CENPN: variants seen among roughly 807,000 people sequenced by gnomAD.
CENPN encodes interphase centromere complex protein 32.
Under a neutral mutation model 48.6 loss-of-function variants are expected in CENPN, and 36 were observed. The observed-to-expected ratio is 0.74, with a 90% confidence interval of 0.57 to 0.98. The LOEUF is 0.98. CENPN is among the 50% of genes least tolerant of loss of function. The probability of loss-of-function intolerance (pLI) is 0.00; values close to 1 mark genes in which losing one functional copy is unlikely to be tolerated. For synonymous variants in CENPN, 166 were observed against 135.2 expected (o/e 1.23, Z -1.58); for missense variants, 439 against 399.2 (o/e 1.10, Z -0.85).
At chr16:81,009,922 C>T (rs571907685) in intron 1 of CENPN, among the ~76,000 whole-genome samples, 4 of 152,286 alleles carry the variant, frequency 2.6e-5, no homozygotes, top group Admixed American at 2.0e-4. Context: ...TTGCAGACCA[C>T]GCGCGGTGGC....
chr16:81,032,648 A>G (rs767520756), downstream of CENPN: 76 of 1,613,794 alleles, frequency 4.7e-5, no homozygotes, highest in Non-Finnish European at 6.4e-5. Context: ...AGCAGCTGGC[A>G]GAAGGACTTG....
chr16:81,017,411 T>C (rs769549703), intron 4 of CENPN, 26 bp downstream of exon 4: 4 of 1,483,448 alleles, frequency 2.7e-6, no homozygotes, highest in Non-Finnish European at 3.8e-6. Flanking sequence ...TACAATTGAA[T>C]ATTTGATAGT....
intron 3 of CENPN, among the ~76,000 whole-genome samples, chr16:81,015,826 T>C (rs564694790): frequency 6.6e-6 from 1 of 152,102 alleles, no homozygotes; most frequent in South Asian, 2.1e-4. Context: ...GCCACTATGG[T>C]GAAACCCCAT....
intron 3 of CENPN, among the ~76,000 whole-genome samples, chr16:81,015,229 C>G (rs757626185): frequency 1.3e-5 from 2 of 152,114 alleles, no homozygotes; most frequent in African/African-American, 4.8e-5. Context: ...TGTACTTTTT[C>G]AAGATGTCTG....
intron 7 of CENPN, chr16:81,024,269 C>G (rs1027590145): frequency 4.6e-5 from 7 of 151,804 alleles, no homozygotes; most frequent in East Asian, 1.9e-4. Context: ...GGCATTCTTA[C>G]GAAAATCCAC....
chr16:81,014,237 T>A, intron 3 of CENPN, 56 bp downstream of exon 3: 2 of 1,497,232 alleles, frequency 1.3e-6, no homozygotes, highest in Non-Finnish European at 1.9e-6. Flanking sequence ...AGAGGCAATT[T>A]TGTTTCTTTC....
At position 81,014,182 on chromosome 16, in the gene CENPN, G is replaced by GT. The variant is rs1390765550; in HGVS notation, c.217+2dup. 6.2e-7 allele frequency: 1 copy of GT among 1,611,758 alleles called. No homozygotes were observed. The highest frequency in any genetic ancestry group is 1.3e-5 in the African/African-American group (1 of 74,890). On this transcript the variant is annotated splice_donor_variant, in intron 3 of 10. Coordinates refer to ENST00000305850, the MANE Select transcript of CENPN (RefSeq NM_001100624.3). LOFTEE classifies it high-confidence loss of function. ...GATGCTGCCCTGTTAGACATCATTT[G>GT]TAAGTGTCAGTGATTTGTATTTATA...
At chr16:81,026,052 G>GATAT (rs71376379) in intron 8 of CENPN, among the ~76,000 whole-genome samples, 5 of 132,840 alleles carry the variant, frequency 3.8e-5, no homozygotes, top group Non-Finnish European at 6.3e-5. Flanking sequence ...GTGCCATGGA[G>GATAT]ATATATATAT....
intron 8 of CENPN, among the ~76,000 whole-genome samples, chr16:81,026,111 A>ATG (rs1464714741): frequency 4.9e-5 from 7 of 142,362 alleles, no homozygotes; most frequent in Admixed American, 3.7e-4. Context: ...GTGTGTATAT[A>ATG]TATATGTATA....
intron 7 of CENPN, 187 bp downstream of exon 7, chr16:81,022,885 A>C (rs927283810): frequency 1.2e-6 from 2 of 1,608,076 alleles, no homozygotes; most frequent in African/African-American, 2.7e-5. Context: ...TCTTTTTATA[A>C]TTGTATTGTG....
intron 1 of CENPN, 125 bp from the exon 2 acceptor site, chr16:81,011,805 C>A: frequency 1.3e-6 from 1 of 748,190 alleles, no homozygotes; most frequent in Non-Finnish European, 2.1e-6. Context: ...GAGTTCAAGA[C>A]CAACGTGGGC....
intron 1 of CENPN, among the ~76,000 whole-genome samples, chr16:81,008,087 A>C (rs746906250): frequency 4.1e-4 from 62 of 152,244 alleles, no homozygotes; most frequent in Non-Finnish European, 7.6e-4. Flanking sequence ...ACCCTGGGCG[A>C]CAAAGCGAGA....
chr16:81,032,789 C>T (rs1970826013), downstream of CENPN: 3 of 1,328,270 alleles, frequency 2.3e-6, no homozygotes, highest in East Asian at 2.4e-5. Context: ...ATGCAGGCCT[C>T]CTTGTTAAAA....
rs962011622 is a variant in CENPN at position 81,021,016 on chromosome 16, C to T, written c.531+740C>T. Among the ~76,000 whole-genome samples the T allele has an allele frequency of 4.6e-5, 7 of 151,480 alleles. No individual in the cohort carries two copies. The East Asian group carries it at 5.8e-4, about 13-fold the overall frequency. On this transcript the variant is annotated intron_variant, in intron 6 of 10. Coordinates refer to ENST00000305850, the MANE Select transcript of CENPN (RefSeq NM_001100624.3). The stretch of plus-strand genomic sequence containing the variant: ...CTGAGGCAGGAGAATTGCTTGAACC[C>T]GGGAGGCAGAGGTTGCAGTGAGCCC...
intron 6 of CENPN, among the ~76,000 whole-genome samples, chr16:81,021,793 C>T (rs980697026): frequency 6.6e-6 from 1 of 151,326 alleles, no homozygotes; most frequent in Non-Finnish European, 1.5e-5. Context: ...CTCACTCTGT[C>T]ACCCAGGGTG....
chr16:81,025,257 C>A (rs1970411409), intron 8 of CENPN, among the ~76,000 whole-genome samples: 1 of 152,150 alleles, frequency 6.6e-6, no homozygotes, highest in Non-Finnish European at 1.5e-5. Context: ...ACTTCTAGAA[C>A]AATGAGAATC....
At chr16:81,018,510 AC>A (rs1466379466) in intron 5 of CENPN, among the ~76,000 whole-genome samples, 2 of 152,120 alleles carry the variant, frequency 1.3e-5, no homozygotes, top group African/African-American at 4.8e-5. Flanking sequence ...ATGATTTTTT[AC>A]ATTAAATAGC....
chr16:81,018,940 CAG>C (rs1970049862), intron 5 of CENPN, among the ~76,000 whole-genome samples: 2 of 152,310 alleles, frequency 1.3e-5, no homozygotes, highest in South Asian at 2.1e-4. Flanking sequence ...GAAGCTGAAT[CAG>C]AGGGGAGCTG....
intron 8 of CENPN, among the ~76,000 whole-genome samples, chr16:81,025,121 G>GA (rs1970405624): frequency 7.0e-6 from 1 of 142,614 alleles, no homozygotes; most frequent in East Asian, 2.1e-4. Context: ...CATTCATCAG[G>GA]AAACTGGGTT....
Sources: allele counts gnomAD v4.1 joint callset (sites outside exome capture counted in the v4.1 genomes callset), GRCh38; gene constraint gnomAD v4.1.1; transcripts MANE v1.5; gene names NCBI Gene and HGNC (gene_info 2026-07-23, HGNC 2026-07-21).